The following ECHDC3 variants were observed in gnomAD, a reference collection of about 807,000 sequenced individuals.
ECHDC3 encodes enoyl-CoA hydratase domain containing 3.
In ECHDC3, 20 loss-of-function variants were observed where a neutral mutation model predicts 17.9. The observed-to-expected ratio is 1.12, with a 90% CI of 0.79 to 1.63. The LOEUF (loss-of-function observed/expected upper bound fraction) is 1.63. Ranked by LOEUF, ECHDC3 falls within the 40% of genes most tolerant of loss-of-function variation. The pLI, the probability that ECHDC3 is intolerant of heterozygous loss-of-function variation, is 0.00. For synonymous variants in ECHDC3, 177 were observed against 149.7 expected (o/e 1.18, Z -1.33); for missense variants, 407 against 357.7 (o/e 1.14, Z -1.11).
In ECHDC3 at chr10:11,747,212, C is replaced by G. The variant is rs550924863; in HGVS notation, c.171-137C>G. 1.8e-4 allele frequency: 198 copies of G among 1,120,306 alleles called. 2 individuals carry two copies. In the South Asian group the frequency reaches 3.3e-3, roughly 19 times the overall value. The allele number at this position is 1,120,306 out of a possible 1,614,324, so 69.4% of individuals were successfully genotyped here. On this transcript the variant is annotated intron_variant, in intron 1 of 4. Transcript: ENST00000379215. ...TGTAACTCCAGAGAGTTGACAGACC[C>G]TCTAAATTGGCACTAAGCCCCAGCA...
intron 1 of ECHDC3, among the ~76,000 whole-genome samples, chr10:11,745,870 T>C (rs1261592699): frequency 6.6e-6 from 1 of 152,224 alleles, no homozygotes; most frequent in Non-Finnish European, 1.5e-5. Flanking sequence ...ATTCAGCATG[T>C]GGGATGCCTC....
intron 3 of ECHDC3, among the ~76,000 whole-genome samples, chr10:11,750,473 T>C (rs1743339780): frequency 6.6e-6 from 1 of 152,138 alleles, no homozygotes; most frequent in African/African-American, 2.4e-5. Flanking sequence ...TTTCACCATA[T>C]TAAGGAGGAA....
Position 11,756,976 on chromosome 10 carries a change from C to T in ECHDC3, c.591+1368C>T, listed in dbSNP as rs575695657. Reference sequence around the variant, plus strand: ...CCTCAAACTCCTGACCTCAAGTAGTCCGTCCCCCTCGGCCTCCCAAAATGC... The same window carrying T: ...CCTCAAACTCCTGACCTCAAGTAGTTCGTCCCCCTCGGCCTCCCAAAATGC... On this transcript the variant is annotated intron_variant, in intron 4 of 4. Coordinates refer to ENST00000379215, the MANE Select transcript of ECHDC3 (RefSeq NM_024693.5). 7.2e-5 allele frequency among the ~76,000 whole-genome samples: 11 copies of T among 152,318 alleles called. No individual in the cohort carries two copies. In the South Asian group the frequency reaches 1.2e-3, roughly 17 times the overall value.
chr10:11,749,589 C>T lies in ECHDC3; in HGVS notation c.387C>T (p.Ser129=). Reference sequence around the variant, plus strand: ...ATGCCGAAGTATTTCAGACCTGTTCCAAGGTAAGCCAAGACGACAGTCGAC... The same window carrying T: ...ATGCCGAAGTATTTCAGACCTGTTCTAAGGTAAGCCAAGACGACAGTCGAC... ...DYHAEVFQTC[S]KVMMHIRNHP... Residue 129 remains serine (S), a synonymous_variant, in exon 3 of 5, where the codon TCC becomes TCT. Coordinates refer to ENST00000379215, the MANE Select transcript of ECHDC3 (RefSeq NM_024693.5). 1 of 1,613,948 alleles carries T rather than the reference C, an allele frequency of 6.2e-7. No homozygotes were observed. The highest frequency in any genetic ancestry group is 8.5e-7 in the Non-Finnish European group (1 of 1,180,008).
Position 11,763,326 on chromosome 10 carries a change from G to T in ECHDC3, c.694G>T (p.Glu232Ter), listed in dbSNP as rs761264921. 2 of 780,182 alleles carry T rather than the reference G, an allele frequency of 2.6e-6. No individual in the cohort carries two copies. The highest frequency in any genetic ancestry group is 4.8e-5 in the East Asian group (2 of 41,248). 48.3% of individuals were successfully genotyped at this position (780,182 alleles called of 1,614,324 possible). ...GGTGCCAGAGGCGGAGCTGCAGGAG[G>T]AGACCATGCGGATCGCTAGGAAGAT... ...KVVPEAELQE[E>*]TMRIARKIAS... is the part of the protein sequence containing the mutation. Residue 232 changes from glutamate to a stop codon, truncating the protein, a stop_gained, in exon 5 of 5, where the codon GAG becomes TAG. Transcript: ENST00000379215. LOFTEE classifies it high-confidence loss of function. The surrounding 1 kb of genome is among the most constrained non-coding windows in gnomAD (Gnocchi z 4.9).
intron 1 of ECHDC3, among the ~76,000 whole-genome samples, chr10:11,743,642 C>G (rs2133784775): frequency 6.6e-6 from 1 of 152,354 alleles, no homozygotes; most frequent in African/African-American, 2.4e-5. Context: ...GTGCCCACAG[C>G]AGGGGCAGGG....
chr10:11,745,743 G>A (rs1399805498), intron 1 of ECHDC3, among the ~76,000 whole-genome samples: 3 of 152,190 alleles, frequency 2.0e-5, no homozygotes, highest in Admixed American at 6.5e-5. Context: ...AAACTGATAG[G>A]AAACATATAA....
intron 3 of ECHDC3, among the ~76,000 whole-genome samples, chr10:11,751,022 G>C (rs961259586): frequency 6.6e-6 from 1 of 152,206 alleles, no homozygotes; most frequent in East Asian, 1.9e-4. Flanking sequence ...AGTTAGAGCC[G>C]AGACCTGGGT....
Position 11,755,443 on chromosome 10 carries a change from C to CA in ECHDC3, c.427dup (p.Ile143AsnfsTer54). 1 of 1,613,934 alleles carries CA rather than the reference C, an allele frequency of 6.2e-7. No individual in the cohort carries two copies. The highest frequency in any genetic ancestry group is 1.1e-5 in the South Asian group (1 of 91,064). ...ACATCCGGAACCACCCCGTTCCCGT[C>CA]ATTGCCATGGTCAATGGCCTGGCCG... On this transcript the variant is annotated frameshift_variant, in exon 4 of 5. Coordinates refer to ENST00000379215, the MANE Select transcript of ECHDC3 (RefSeq NM_024693.5). LOFTEE classifies it high-confidence loss of function.
chr10:11,754,584 T>G (rs1394932295), intron 3 of ECHDC3, among the ~76,000 whole-genome samples: 1 of 152,298 alleles, frequency 6.6e-6, no homozygotes, highest in East Asian at 1.9e-4. Flanking sequence ...AAGTAATTAT[T>G]AAGAAAACTG....
At position 11,755,616 on chromosome 10, in the gene ECHDC3, A is replaced by C; in HGVS notation, c.591+8A>C. ...AGAGCAGTGCCTAGAAAGGTAATTTAACTCCCCCCACCCACCTCTGCCTCC... is the reference window on the plus strand; with the variant it reads ...AGAGCAGTGCCTAGAAAGGTAATTTCACTCCCCCCACCCACCTCTGCCTCC... On this transcript the variant is annotated splice_region_variant and intron_variant, in intron 4 of 4. Transcript: ENST00000379215. 6.2e-7 allele frequency: 1 copy of C among 1,606,710 alleles called. No homozygotes were observed. The highest frequency in any genetic ancestry group is 8.5e-7 in the Non-Finnish European group (1 of 1,176,786).
chr10:11,758,631 G>A (rs1832911399), intron 4 of ECHDC3, among the ~76,000 whole-genome samples: 1 of 152,256 alleles, frequency 6.6e-6, no homozygotes, highest in African/African-American at 2.4e-5. Flanking sequence ...AGGACGCACA[G>A]TTCCACACCC....
At position 11,764,049 on chromosome 10, in the gene ECHDC3, A is replaced by G. The variant is rs913935792; in HGVS notation, c.*505A>G. On this transcript the variant is annotated 3_prime_UTR_variant, in exon 5 of 5. Coordinates refer to ENST00000379215, the MANE Select transcript of ECHDC3 (RefSeq NM_024693.5). ...CTTTGAATAATCTTATGTGATTTAA[A>G]TAAATTAAATCTTTATAGAGACTGG... 21 of 754,924 alleles carry G rather than the reference A, an allele frequency of 2.8e-5. No individual in the cohort carries two copies. The highest frequency in any genetic ancestry group is 3.1e-5 in the Non-Finnish European group (19 of 619,386). 46.8% of individuals were successfully genotyped at this position (754,924 alleles called of 1,614,324 possible).
At chr10:11,751,240 A>C (rs1186057182) in intron 3 of ECHDC3, among the ~76,000 whole-genome samples, 6 of 152,154 alleles carry the variant, frequency 3.9e-5, no homozygotes, top group African/African-American at 1.4e-4. Context: ...TGGGATCTAA[A>C]CAGCATAGCC....
intron 1 of ECHDC3, among the ~76,000 whole-genome samples, chr10:11,743,134 AGCTTCCTGAG>A (rs1379941883): frequency 6.6e-6 from 1 of 152,198 alleles, no homozygotes; most frequent in Non-Finnish European, 1.5e-5. Context: ...CAAAGTGCAC[AGCTTCCTGAG>A]CGCTGCCCTT....
chr10:11,756,174 C>A (rs1210092505), intron 4 of ECHDC3, among the ~76,000 whole-genome samples: 2 of 152,220 alleles, frequency 1.3e-5, no homozygotes, highest in Non-Finnish European at 2.9e-5. Context: ...TATGTTGAAT[C>A]TGCCCAAGAA....
chr10:11,762,997 A>C (rs993881673), intron 4 of ECHDC3, among the ~76,000 whole-genome samples: 2 of 152,148 alleles, frequency 1.3e-5, no homozygotes, highest in African/African-American at 4.8e-5. Context: ...AGATCTTTGC[A>C]GGAGCAAGAG....
chr10:11,761,112 C>T (rs1207319973), intron 4 of ECHDC3, among the ~76,000 whole-genome samples: 1 of 152,226 alleles, frequency 6.6e-6, no homozygotes, highest in Non-Finnish European at 1.5e-5. Flanking sequence ...CCCATGGTGG[C>T]AGGAGGGGCC....
At position 11,751,712 on chromosome 10, in the gene ECHDC3, GGC is replaced by G. The variant is rs1491447293; in HGVS notation, c.390+2121_390+2122del. On this transcript the variant is annotated intron_variant, in intron 3 of 4. Transcript: ENST00000379215. Reference sequence around the variant, plus strand: ...AGTAGAATGAGAATGAGAAGAACTTGGCTCTGGAAGAGTGAAAATGACCTGCC... The same window carrying G: ...AGTAGAATGAGAATGAGAAGAACTTGTCTGGAAGAGTGAAAATGACCTGCC... Among the ~76,000 whole-genome samples the G allele has an allele frequency of 3.9e-5, 6 of 152,322 alleles. No individual in the cohort carries two copies. The South Asian group carries it at 8.3e-4, about 21-fold the overall frequency.
Sources: allele counts gnomAD v4.1 joint callset (sites outside exome capture counted in the v4.1 genomes callset), GRCh38; gene constraint gnomAD v4.1.1; non-coding constraint Gnocchi (gnomAD v3.1); transcripts MANE v1.5; gene names NCBI Gene and HGNC (gene_info 2026-07-23, HGNC 2026-07-21).